The following SLC5A3 variants were observed in gnomAD, a reference collection of about 807,000 sequenced individuals.
SLC5A3 encodes the protein solute carrier family 5 member 3, also known as sodium/myo-inositol cotransporter.
In SLC5A3, 10 loss-of-function variants were observed where a neutral mutation model predicts 43.2. The ratio of observed to expected loss-of-function variants is 0.23; its 90% CI spans 0.14 to 0.39. The LOEUF is 0.39. Among genes scored for constraint, SLC5A3 ranks in the 10% least tolerant of loss-of-function variants. The pLI, the probability that SLC5A3 is intolerant of heterozygous loss-of-function variation, is 1.00. For missense variants in SLC5A3, 608 were observed against 893.4 expected (o/e 0.68, Z 4.07); for synonymous variants, 349 against 322.0 (o/e 1.08, Z -0.90).
At chr21:34,092,567 A>AGTTT (rs1176204893) in intron 1 of SLC5A3, among the ~76,000 whole-genome samples, 1 of 152,216 alleles carries the variant, frequency 6.6e-6, no homozygotes, top group Non-Finnish European at 1.5e-5. Flanking sequence ...AACTTCATGC[A>AGTTT]GTTTGAGCAT....
intron 1 of SLC5A3, among the ~76,000 whole-genome samples, chr21:34,089,490 A>G (rs1978570692): frequency 6.6e-6 from 1 of 152,124 alleles, no homozygotes; most frequent in Admixed American, 6.5e-5. Flanking sequence ...TTTCTATAAA[A>G]AAATTCATGA....
At chr21:34,087,876 C>A (rs183236847) in intron 1 of SLC5A3, among the ~76,000 whole-genome samples, 15 of 152,262 alleles carry the variant, frequency 9.9e-5, no homozygotes, top group Non-Finnish European at 2.1e-4. Context: ...TTTTAAGTAT[C>A]GCCAACAGGC....
Position 34,105,650 on chromosome 21 carries a change from G to A in SLC5A3, c.*8295G>A. On this transcript the variant is annotated 3_prime_UTR_variant, in exon 2 of 2. Coordinates refer to ENST00000381151, the MANE Select transcript of SLC5A3 (RefSeq NM_006933.7). ...TTTAGTTAGGCATTGTAGGCCAAATGTGATTATAAATGAAGTTGATGAACA... is the reference window on the plus strand; with the variant it reads ...TTTAGTTAGGCATTGTAGGCCAAATATGATTATAAATGAAGTTGATGAACA... The A allele has an allele frequency of 1.0e-6, 1 of 999,158 alleles. No homozygotes were observed. Among genetic ancestry groups the A allele is most frequent in the Non-Finnish European group, 1.2e-6 (1 of 829,040 alleles). The allele number at this position is 999,158 out of a possible 1,614,324, so 61.9% of individuals were successfully genotyped here.
Position 34,085,792 on chromosome 21 carries a change from C to T in SLC5A3, c.-336-9071C>T, listed in dbSNP as rs140807783. Among the ~76,000 whole-genome samples the T allele has an allele frequency of 1.8e-3, 275 of 152,150 alleles. 2 individuals carry two copies. Among genetic ancestry groups the T allele is most frequent in the African/African-American group, 6.4e-3 (264 of 41,518 alleles). ...TAATTTTTTGTAGTTTTAGTAGAGA[C>T]GGGGTTTCACCGTGTTAGCTAGGGT... On this transcript the variant is annotated intron_variant, in intron 1 of 1. Coordinates refer to ENST00000381151, the MANE Select transcript of SLC5A3 (RefSeq NM_006933.7).
intron 1 of SLC5A3, among the ~76,000 whole-genome samples, chr21:34,094,431 C>G (rs1978866950): frequency 6.6e-6 from 1 of 152,138 alleles, no homozygotes; most frequent in African/African-American, 2.4e-5. Context: ...CATAAAGTTA[C>G]CCCCAAACTC....
At position 34,095,924 on chromosome 21, in the gene SLC5A3, C is replaced by T. The variant is rs1978946921; in HGVS notation, c.726C>T (p.Ser242=). The T allele has an allele frequency of 1.2e-6, 2 of 1,614,062 alleles. No homozygotes were observed. The highest frequency in any genetic ancestry group is 1.1e-5 in the South Asian group (1 of 91,084). The stretch of plus-strand genomic sequence containing the variant: ...CCAACACAAATTCTTGTAATGTCTC[C>T]CCTAAGAAAGAAGCCCTGAAAATGC... ...NLSNTNSCNV[S]PKKEALKMLR... The change falls in exon 2 of 2, where the codon TCC becomes TCT. Residue 242 remains serine, a synonymous_variant. Transcript: ENST00000381151.
chr21:34,103,742 C>T lies in SLC5A3; in HGVS notation c.*6387C>T, dbSNP rs970112461. 1.0e-6 allele frequency: 1 copy of T among 999,790 alleles called. No individual in the cohort carries two copies. The highest frequency in any genetic ancestry group is 1.2e-6 in the Non-Finnish European group (1 of 829,732). The allele number at this position is 999,790 out of a possible 1,614,324, so 61.9% of individuals were successfully genotyped here. A position where few individuals can be genotyped will look rare whatever the true frequency, so the allele number is the denominator to read the frequency against. On this transcript the variant is annotated 3_prime_UTR_variant, in exon 2 of 2. Transcript: ENST00000381151. Reference sequence around the variant, plus strand: ...AAGACAATGCGGTATCTAAACTGGTCCTAATGGTAAGGGACCCAAAGGAAT... The same window carrying T: ...AAGACAATGCGGTATCTAAACTGGTTCTAATGGTAAGGGACCCAAAGGAAT...
Position 34,096,452 on chromosome 21 carries a change from G to A in SLC5A3, c.1254G>A (p.Met418Ile). 1 of 1,614,216 alleles carries A rather than the reference G, an allele frequency of 6.2e-7. No homozygotes were observed. Among genetic ancestry groups the A allele is most frequent in the Non-Finnish European group, 8.5e-7 (1 of 1,180,036 alleles). The change falls in exon 2 of 2, where the codon ATG becomes ATA. Residue 418 changes from methionine to isoleucine, a missense_variant. This residue lies in a region of SLC5A3 where 398 missense variants were observed against 668.6 expected (regional missense o/e 0.60). Transcript: ENST00000381151. This position sits in a 1 kb window ranked among gnomAD's most constrained non-coding sequence, Gnocchi z 5.9. ...MIVGRIFVAFMVVISIAWVPI... is the reference protein window; with the variant it reads ...MIVGRIFVAFIVVISIAWVPI... ...TGGGGAGGATATTTGTGGCATTTAT[G>A]GTGGTGATCAGCATAGCATGGGTGC...
chr21:34,075,668 T>G (rs985655418), intron 1 of SLC5A3, among the ~76,000 whole-genome samples: 1 of 152,194 alleles, frequency 6.6e-6, no homozygotes, highest in Admixed American at 6.5e-5. Context: ...GGCGAAGTTA[T>G]GTTGAGGAGA....
Position 34,099,821 on chromosome 21 carries a change from ACAT to A in SLC5A3, c.*2470_*2472del. On this transcript the variant is annotated 3_prime_UTR_variant, in exon 2 of 2. Coordinates refer to ENST00000381151, the MANE Select transcript of SLC5A3 (RefSeq NM_006933.7). ...GAATTGTTTATTCTTGCCAGTATAAACATCATTTTATTTAGACTAAAGTCCCTG... is the reference window on the plus strand; with the variant it reads ...GAATTGTTTATTCTTGCCAGTATAAACATTTTATTTAGACTAAAGTCCCTG... 3.1e-6 allele frequency: 2 copies of A among 643,096 alleles called. No homozygotes were observed. The highest frequency in any genetic ancestry group is 4.0e-6 in the Non-Finnish European group (2 of 504,700). 39.8% of individuals were successfully genotyped at this position (643,096 alleles called of 1,614,324 possible).
At chr21:34,085,547 A>G (rs1978331166) in intron 1 of SLC5A3, among the ~76,000 whole-genome samples, 1 of 152,186 alleles carries the variant, frequency 6.6e-6, no homozygotes, top group African/African-American at 2.4e-5. Context: ...ACTTTAAAGC[A>G]AACTTAGATA....
Position 34,096,035 on chromosome 21 carries a change from C to T in SLC5A3, c.837C>T (p.Asp279=), listed in dbSNP as rs373565154. The T allele has an allele frequency of 5.4e-5, 87 of 1,613,986 alleles. No individual in the cohort carries two copies. The highest frequency in any genetic ancestry group is 3.3e-4 in the Middle Eastern group (2 of 6,082). ...CTTCAGTATGGTACTGGTGTGCTGA[C>T]CAAGTCATCGTGCAGAGGGTCCTTG... ...TPASVWYWCA[D]QVIVQRVLAA... The change falls in exon 2 of 2, where the codon GAC becomes GAT. Residue 279 remains aspartate, a synonymous_variant. Coordinates refer to ENST00000381151, the MANE Select transcript of SLC5A3 (RefSeq NM_006933.7). The surrounding 1 kb of genome is among the most constrained non-coding windows in gnomAD (Gnocchi z 5.9).
Position 34,096,915 on chromosome 21 carries a change from C to G in SLC5A3, c.1717C>G (p.Leu573Val). 2 of 1,614,076 alleles carry G rather than the reference C, an allele frequency of 1.2e-6. No homozygotes were observed. Residue 573 changes from leucine to valine, a missense_variant, in exon 2 of 2, where the codon CTG becomes GTG. Physicochemically the swap from Leu to Val is conservative, Grantham distance 32. Around this residue, in one of 2 missense-constraint regions of SLC5A3, gnomAD observed 210 missense variants for 224.8 expected, o/e 0.93. Transcript: ENST00000381151. This position sits in a 1 kb window ranked among gnomAD's most constrained non-coding sequence, Gnocchi z 5.9. ...EPYKMQEKSI[L>V]RCSENNETIN... ...ATACAAAATGCAAGAAAAGAGCATTCTGAGATGCAGTGAGAATAATGAGAC... is the reference window on the plus strand; with the variant it reads ...ATACAAAATGCAAGAAAAGAGCATTGTGAGATGCAGTGAGAATAATGAGAC...
chr21:34,102,308 A>G lies in SLC5A3; in HGVS notation c.*4953A>G, dbSNP rs191279650. 5,807 of 998,746 alleles carry G rather than the reference A, an allele frequency of 5.8e-3. 24 individuals carry two copies. The highest frequency in any genetic ancestry group is 9.4e-3 in the Middle Eastern group (18 of 1,912). The allele number at this position is 998,746 out of a possible 1,614,324, so 61.9% of individuals were successfully genotyped here. A position where few individuals can be genotyped will look rare whatever the true frequency, so the allele number is the denominator to read the frequency against. ...TTTTATTTAAACTTCTCTCTCTTCA[A>G]TGCTGAGAATAAGGCTTTAAATTAC... On this transcript the variant is annotated 3_prime_UTR_variant, in exon 2 of 2. Transcript: ENST00000381151.
chr21:34,096,317 A>G lies in SLC5A3; in HGVS notation c.1119A>G (p.Ala373=). Residue 373 remains alanine, a synonymous_variant, in exon 2 of 2, where the codon GCA becomes GCG. Transcript: ENST00000381151. This position sits in a 1 kb window ranked among gnomAD's most constrained non-coding sequence, Gnocchi z 5.9. ...GTTTAATGATGGCAGTGATGATTGC[A>G]GCTCTGATGAGTGACTTAGACTCTA... ...LRGLMMAVMI[A]ALMSDLDSIF... 2.5e-6 allele frequency: 4 copies of G among 1,614,110 alleles called. No individual in the cohort carries two copies. Among genetic ancestry groups the G allele is most frequent in the Non-Finnish European group, 3.4e-6 (4 of 1,179,998 alleles).
intron 1 of SLC5A3, among the ~76,000 whole-genome samples, chr21:34,074,192 C>T (rs1192735600): frequency 1.3e-5 from 2 of 150,186 alleles, no homozygotes; most frequent in African/African-American, 4.9e-5. Flanking sequence ...TCCCGCTCCG[C>T]CGCCCGCCGG....
Position 34,096,030 on chromosome 21 carries a change from G to A in SLC5A3, c.832G>A (p.Ala278Thr). The A allele has an allele frequency of 6.2e-7, 1 of 1,614,094 alleles. No individual in the cohort carries two copies. Among genetic ancestry groups the A allele is most frequent in the Non-Finnish European group, 8.5e-7 (1 of 1,179,988 alleles). ...QTPASVWYWCADQVIVQRVLA... is the reference protein window; with the variant it reads ...QTPASVWYWCTDQVIVQRVLA... ...CCCAGCTTCAGTATGGTACTGGTGT[G>A]CTGACCAAGTCATCGTGCAGAGGGT... is the stretch of plus-strand genomic sequence containing the variant. Residue 278 changes from alanine (A) to threonine (T), a missense_variant, in exon 2 of 2, where the codon GCT becomes ACT. Physicochemically the swap from Ala to Thr is moderately conservative, Grantham distance 58. Transcript: ENST00000381151. The surrounding 1 kb of genome is among the most constrained non-coding windows in gnomAD (Gnocchi z 5.9).
intron 1 of SLC5A3, among the ~76,000 whole-genome samples, chr21:34,089,309 C>G (rs1259724493): frequency 6.6e-6 from 1 of 151,908 alleles, no homozygotes; most frequent in Non-Finnish European, 1.5e-5. Flanking sequence ...TGAGTCACCA[C>G]GCCCAGCCTG....
chr21:34,088,232 A>G (rs1266516189), intron 1 of SLC5A3, among the ~76,000 whole-genome samples: 2 of 32 alleles, frequency 0.062, no homozygotes, highest in Non-Finnish European at 0.11. Flanking sequence ...GGTCAAGTAT[A>G]GAATACACTT....
Sources: gnomAD v4.1 joint callset for allele counts (sites outside exome capture counted in the v4.1 genomes callset) on GRCh38, gnomAD v4.1.1 for gene constraint, gnomAD v4.1.1 regional missense constraint, Gnocchi (gnomAD v3.1) non-coding constraint, MANE v1.5 for transcripts, NCBI Gene and HGNC (gene_info 2026-07-23, HGNC 2026-07-21) for gene names.